The following DCAF12 variants were observed in gnomAD, a reference collection of about 807,000 sequenced individuals.
DCAF12 encodes the protein DDB1 and CUL4 associated factor 12.
In DCAF12, 28 loss-of-function variants were observed where a neutral mutation model predicts 52.8. The ratio of observed to expected loss-of-function variants is 0.53; its 90% CI spans 0.39 to 0.73. The LOEUF (loss-of-function observed/expected upper bound fraction) is 0.73. Among genes scored for constraint, DCAF12 ranks in the 30% least tolerant of loss-of-function variants. The probability of loss-of-function intolerance (pLI) is 0.00; values close to 1 mark genes in which losing one functional copy is unlikely to be tolerated. For missense variants in DCAF12, 425 were observed against 552.2 expected, an observed-to-expected ratio of 0.77 and a Z score of 2.31; for synonymous variants, 196 against 215.5, an observed-to-expected ratio of 0.91 and a Z score of 0.79.
chr9:34,101,733 T>C (rs1002915310), intron 4 of DCAF12, among the ~76,000 whole-genome samples: 1 of 151,922 alleles, frequency 6.6e-6, no homozygotes. Context: ...GACCGTTCTT[T>C]ATTAAGAATT....
chr9:34,124,273 C>T (rs1233339836), intron 2 of DCAF12, among the ~76,000 whole-genome samples: 1 of 152,176 alleles, frequency 6.6e-6, no homozygotes, highest in Non-Finnish European at 1.5e-5. Flanking sequence ...CATTTCCCAC[C>T]CCTAGGCCCT....
At chr9:34,116,747 GA>G (rs1324174796) in intron 2 of DCAF12, among the ~76,000 whole-genome samples, 3 of 152,168 alleles carry the variant, frequency 2.0e-5, no homozygotes, top group Non-Finnish European at 4.4e-5. Context: ...TTGGGAGGCT[GA>G]GGGGGGCAGA....
intron 5 of DCAF12, among the ~76,000 whole-genome samples, chr9:34,098,053 G>A (rs1478595053): frequency 6.6e-6 from 1 of 152,166 alleles, no homozygotes; most frequent in Non-Finnish European, 1.5e-5. Context: ...GCAAATGACA[G>A]ACAGTCAAAT....
chr9:34,093,893 A>G, intron 6 of DCAF12: 1 of 182,922 alleles, frequency 5.5e-6, no homozygotes, highest in African/African-American at 2.3e-5. Flanking sequence ...CTGAATGGGA[A>G]TTGTACGCTA....
intron 2 of DCAF12, among the ~76,000 whole-genome samples, chr9:34,112,020 G>A (rs571369351): frequency 6.6e-6 from 1 of 151,820 alleles, no homozygotes; most frequent in Non-Finnish European, 1.5e-5. Flanking sequence ...GCGGGCGCCT[G>A]TAATCCCAGC....
At chr9:34,105,965 G>A (rs1420237143) in intron 4 of DCAF12, among the ~76,000 whole-genome samples, 1 of 151,950 alleles carries the variant, frequency 6.6e-6, no homozygotes, top group Non-Finnish European at 1.5e-5. Flanking sequence ...GGCCAGCCTG[G>A]TCTCGAACTC....
intron 7 of DCAF12, 135 bp from the exon 8 acceptor site, chr9:34,089,725 A>G: frequency 1.2e-6 from 1 of 804,796 alleles, no homozygotes; most frequent in Non-Finnish European, 1.8e-6. Context: ...AGTATCAGAC[A>G]GTGTTTTCCC....
chr9:34,104,540 A>G (rs1475821772), intron 4 of DCAF12, among the ~76,000 whole-genome samples: 1 of 152,226 alleles, frequency 6.6e-6, no homozygotes, highest in African/African-American at 2.4e-5. Flanking sequence ...AGAAAATTAG[A>G]TAACTGTGTT....
intron 2 of DCAF12, among the ~76,000 whole-genome samples, chr9:34,113,000 A>C (rs1172208022): frequency 1.3e-5 from 2 of 152,216 alleles, no homozygotes; most frequent in African/African-American, 4.8e-5. Flanking sequence ...GTGTTGTGTG[A>C]GACAATGCAA....
chr9:34,093,940 T>C (rs1451232306), intron 6 of DCAF12, among the ~76,000 whole-genome samples: 1 of 152,188 alleles, frequency 6.6e-6, no homozygotes, highest in Non-Finnish European at 1.5e-5. Context: ...TAATCCCAGA[T>C]AACCCACATC....
intron 5 of DCAF12, among the ~76,000 whole-genome samples, chr9:34,097,637 CA>C (rs1232667753): frequency 6.6e-6 from 1 of 151,642 alleles, no homozygotes; most frequent in Admixed American, 6.6e-5. Flanking sequence ...GGAAAGTAGG[CA>C]GTAAAGAATA....
intron 2 of DCAF12, among the ~76,000 whole-genome samples, chr9:34,115,597 CAA>C (rs546868535): frequency 2.2e-5 from 3 of 137,080 alleles, no homozygotes; most frequent in Non-Finnish European, 4.7e-5. Context: ...GACTTCGTCT[CAA>C]AAAAAAAAAA....
At chr9:34,115,886 C>G (rs1292114808) in intron 2 of DCAF12, among the ~76,000 whole-genome samples, 1 of 152,128 alleles carries the variant, frequency 6.6e-6, no homozygotes, top group Non-Finnish European at 1.5e-5. Flanking sequence ...CACTACATAC[C>G]TTTAACGGCG....
chr9:34,104,074 G>T (rs1407779608), intron 4 of DCAF12, among the ~76,000 whole-genome samples: 1 of 151,828 alleles, frequency 6.6e-6, no homozygotes, highest in Non-Finnish European at 1.5e-5. Flanking sequence ...TTTGAGACCA[G>T]CCTGGCCAAC....
At position 34,093,170 on chromosome 9, in the gene DCAF12, A is replaced by G. The variant is rs111577228; in HGVS notation, c.1024+116T>C. 7.5e-6 allele frequency: 10 copies of G among 1,331,828 alleles called. No homozygotes were observed. The African/African-American group carries it at 8.7e-5, about 12-fold the overall frequency. The allele number at this position is 1,331,828 out of a possible 1,614,324, so 82.5% of individuals were successfully genotyped here. ...AGCCATCGCTCCCCTTTTTGAACAC[A>G]CTTCCAAATGTTCCATACAGAGCAC... On this transcript the variant is annotated intron_variant, in intron 7 of 8. Transcript: ENST00000361264.
chr9:34,104,684 G>A (rs1230183201), intron 4 of DCAF12, among the ~76,000 whole-genome samples: 2 of 152,182 alleles, frequency 1.3e-5, no homozygotes, highest in Non-Finnish European at 2.9e-5. Flanking sequence ...AGGAGGCCGA[G>A]GCAGGTGGAT....
At chr9:34,120,203 CAAAAAAAAAAAAAAA>C (rs34481024) in intron 2 of DCAF12, among the ~76,000 whole-genome samples, 1 of 26,198 alleles carries the variant, frequency 3.8e-5, no homozygotes, top group East Asian at 1.7e-3. Flanking sequence ...AAGTCCGTCT[CAAAAAAAAAAAAAAA>C]AAAAAAAAAA....
chr9:34,092,211 G>T (rs1225315570), intron 7 of DCAF12, among the ~76,000 whole-genome samples: 3 of 152,106 alleles, frequency 2.0e-5, no homozygotes, highest in African/African-American at 7.2e-5. Flanking sequence ...ACAATTTGAG[G>T]TTCTGACATA....
At chr9:34,091,528 C>T (rs947550458) in intron 7 of DCAF12, among the ~76,000 whole-genome samples, 6 of 147,394 alleles carry the variant, frequency 4.1e-5, no homozygotes, top group Non-Finnish European at 8.9e-5. Context: ...CCCAGCTACT[C>T]GGGAGGCTGA....
Sources: gnomAD v4.1 joint callset for allele counts (sites outside exome capture counted in the v4.1 genomes callset) on GRCh38, gnomAD v4.1.1 for gene constraint, MANE v1.5 for transcripts, NCBI Gene and HGNC (gene_info 2026-07-23, HGNC 2026-07-21) for gene names.